The following TLK1 variants were observed in gnomAD, a reference collection of about 807,000 sequenced individuals.
TLK1 encodes the protein tousled like kinase 1.
TLK1 carries 24 observed loss-of-function variants against 105.3 expected under a neutral mutation model. The observed-to-expected ratio is 0.23, with a 90% CI of 0.17 to 0.32. TLK1 has a LOEUF of 0.32. Ranked by LOEUF, TLK1 falls within the 10% of genes least tolerant of loss-of-function variation. The pLI, the probability that TLK1 is intolerant of heterozygous loss-of-function variation, is 1.00. For synonymous variants in TLK1, 321 were observed against 310.4 expected, an observed-to-expected ratio of 1.03 and a Z score of -0.36; for missense variants, 558 against 910.5, an observed-to-expected ratio of 0.61 and a Z score of 4.98.
At chr2:171,222,728 C>T (rs947543537) in intron 1 of TLK1, among the ~76,000 whole-genome samples, 1 of 152,154 alleles carries the variant, frequency 6.6e-6, no homozygotes, top group African/African-American at 2.4e-5. Context: ...AAGCATTTAT[C>T]ATTTCTTTGT....
intron 18 of TLK1, 116 bp from the exon 19 acceptor site, chr2:170,997,939 ATC>A (rs1684142331): frequency 1.9e-6 from 1 of 526,530 alleles, no homozygotes; most frequent in African/African-American, 1.9e-5. Context: ...TAGGACTCCC[ATC>A]AGTGAAAATC....
At chr2:171,079,487 T>C (rs1469583584) in intron 3 of TLK1, among the ~76,000 whole-genome samples, 3 of 152,322 alleles carry the variant, frequency 2.0e-5, no homozygotes, top group South Asian at 2.1e-4. Context: ...TTCTCTGTGA[T>C]TGGGCAGAGA....
chr2:171,152,936 G>A (rs548644408), intron 1 of TLK1, among the ~76,000 whole-genome samples: 2 of 152,278 alleles, frequency 1.3e-5, no homozygotes, highest in South Asian at 4.1e-4. Context: ...TGTAGGATTT[G>A]CACAGCTGGT....
intron 1 of TLK1, among the ~76,000 whole-genome samples, chr2:171,197,171 G>GA (rs1017266203): frequency 1.3e-5 from 2 of 152,066 alleles, no homozygotes; most frequent in African/African-American, 4.8e-5. Context: ...TAATGGTGGT[G>GA]AAAAAAATAA....
At position 171,056,633 on chromosome 2, in the gene TLK1, A is replaced by C. The variant is rs1053612021; in HGVS notation, c.454-67T>G. Reference sequence around the variant, plus strand: ...GGCTCAGACAGTTATTTCAGATATGACATTAAGAATTAATCTAAATATACC... The same window carrying C: ...GGCTCAGACAGTTATTTCAGATATGCCATTAAGAATTAATCTAAATATACC... On this transcript the variant is annotated intron_variant, in intron 5 of 20. Coordinates refer to ENST00000431350, the MANE Select transcript of TLK1 (RefSeq NM_012290.5). The C allele has an allele frequency of 3.1e-6, 4 of 1,304,508 alleles. No homozygotes were observed. In the African/African-American group the frequency reaches 5.9e-5, roughly 19 times the overall value. The allele number at this position is 1,304,508 out of a possible 1,614,324, so 80.8% of individuals were successfully genotyped here.
intron 1 of TLK1, among the ~76,000 whole-genome samples, chr2:171,212,181 T>A (rs1693629461): frequency 6.6e-6 from 1 of 152,024 alleles, no homozygotes; most frequent in African/African-American, 2.4e-5. Flanking sequence ...TTTCCGGACC[T>A]CCAGAAATCA....
chr2:171,178,273 A>AT (rs1445698401), intron 1 of TLK1, among the ~76,000 whole-genome samples: 1 of 152,190 alleles, frequency 6.6e-6, no homozygotes, highest in African/African-American at 2.4e-5. Flanking sequence ...TCACGCAGAT[A>AT]TCAAGGGAAG....
At chr2:171,015,681 T>A (rs1400064578) in intron 12 of TLK1, among the ~76,000 whole-genome samples, 12 of 124,586 alleles carry the variant, frequency 9.6e-5, no homozygotes, top group African/African-American at 3.6e-4. Flanking sequence ...TTCATGTCAT[T>A]CATTCATACA....
At chr2:171,066,524 G>GT (rs1688002818) in intron 3 of TLK1, among the ~76,000 whole-genome samples, 1 of 152,008 alleles carries the variant, frequency 6.6e-6, no homozygotes, top group South Asian at 2.1e-4. Context: ...ATTCACAACC[G>GT]TATCAGTACT....
intron 2 of TLK1, among the ~76,000 whole-genome samples, chr2:171,090,746 C>G (rs918630792): frequency 6.6e-6 from 1 of 152,178 alleles, no homozygotes; most frequent in Non-Finnish European, 1.5e-5. Flanking sequence ...CATTCTCTAT[C>G]AATAAAAATA....
intron 11 of TLK1, among the ~76,000 whole-genome samples, chr2:171,034,788 T>C (rs1047745968): frequency 2.0e-5 from 3 of 152,144 alleles, no homozygotes; most frequent in African/African-American, 2.4e-5. Flanking sequence ...AAATAGGTGA[T>C]TGTGGGAGGG....
chr2:171,109,333 A>G (rs776477403), intron 2 of TLK1, among the ~76,000 whole-genome samples: 14 of 152,236 alleles, frequency 9.2e-5, no homozygotes, highest in Non-Finnish European at 1.8e-4. Flanking sequence ...TCCTATATTA[A>G]TAACCCTTGT....
At chr2:171,186,326 C>T (rs1254742274) in intron 1 of TLK1, among the ~76,000 whole-genome samples, 5 of 152,150 alleles carry the variant, frequency 3.3e-5, no homozygotes, top group East Asian at 3.8e-4. Context: ...CACATGGAAG[C>T]GACACATTTA....
intron 11 of TLK1, among the ~76,000 whole-genome samples, chr2:171,037,049 T>C (rs1426210104): frequency 1.3e-5 from 2 of 152,114 alleles, no homozygotes; most frequent in Non-Finnish European, 2.9e-5. Context: ...AAATACATTC[T>C]ATCTGCAGGA....
At chr2:171,059,904 C>T (rs1687669556) in intron 4 of TLK1, 3 of 1,237,582 alleles carry the variant, frequency 2.4e-6, no homozygotes. Flanking sequence ...GGCGGTAATG[C>T]TCACTGGCCC....
intron 13 of TLK1, 33 bp from the exon 14 acceptor site, chr2:171,011,487 A>T (rs773708152): frequency 7.0e-6 from 11 of 1,574,108 alleles, no homozygotes; most frequent in Non-Finnish European, 9.5e-6. Context: ...AGACATATTA[A>T]AACACACACA....
intron 1 of TLK1, among the ~76,000 whole-genome samples, chr2:171,219,308 G>A (rs1462436248): frequency 6.6e-6 from 1 of 152,124 alleles, no homozygotes; most frequent in Non-Finnish European, 1.5e-5. Context: ...GCTTGTGGCT[G>A]CATCACTCTA....
chr2:171,123,803 C>G (rs1243199952), intron 1 of TLK1, among the ~76,000 whole-genome samples: 1 of 152,148 alleles, frequency 6.6e-6, no homozygotes, highest in Admixed American at 6.5e-5. Context: ...AGAATGAGAG[C>G]ACTTTTGCTT....
At chr2:171,140,452 T>C (rs1415675664) in intron 1 of TLK1, among the ~76,000 whole-genome samples, 1 of 152,184 alleles carries the variant, frequency 6.6e-6, no homozygotes, top group African/African-American at 2.4e-5. Flanking sequence ...ATTTAAGTAG[T>C]GACTGTGAGG....
Sources: gnomAD v4.1 joint callset for allele counts (sites outside exome capture counted in the v4.1 genomes callset) on GRCh38, gnomAD v4.1.1 for gene constraint, MANE v1.5 for transcripts, NCBI Gene and HGNC (gene_info 2026-07-23, HGNC 2026-07-21) for gene names.